The following SLC44A4 variants were observed in gnomAD, a reference collection of about 807,000 sequenced individuals.
The protein encoded by SLC44A4 is choline transporter-like protein 4.
SLC44A4 carries 74 observed loss-of-function variants against 97.0 expected under a neutral mutation model. The observed-to-expected ratio is 0.76, with a 90% confidence interval of 0.63 to 0.93. SLC44A4 has a LOEUF of 0.93. Ranked by LOEUF, SLC44A4 falls within the 40% of genes least tolerant of loss-of-function variation. The pLI, the probability that SLC44A4 is intolerant of heterozygous loss-of-function variation, is 0.00. For missense variants in SLC44A4, 799 were observed against 902.9 expected, an observed-to-expected ratio of 0.88 and a Z score of 1.48; for synonymous variants, 325 against 363.8, an observed-to-expected ratio of 0.89 and a Z score of 1.21.
chr6:31,867,570 A>C (rs1308696540), intron 13 of SLC44A4, among the ~76,000 whole-genome samples: 1 of 151,972 alleles, frequency 6.6e-6, no homozygotes, highest in African/African-American at 2.4e-5. Flanking sequence ...TCTCTTAAAA[A>C]AAAAAATTAG....
intron 13 of SLC44A4, 48 bp downstream of exon 13, chr6:31,869,107 C>G (rs1291202980): frequency 1.4e-6 from 2 of 1,478,854 alleles, no homozygotes; most frequent in African/African-American, 2.8e-5. Context: ...GCCCCTACAG[C>G]CCCTCACCCC....
Position 31,876,601 on chromosome 6 carries a change from T to A in SLC44A4, c.89+433A>T, listed in dbSNP as rs1763456932. Reference sequence around the variant, plus strand: ...CCATCTCAAAGAAATTAGCCTGGTGTGATGGTGCATGCCTGTAGTCCCAGC... The same window carrying A: ...CCATCTCAAAGAAATTAGCCTGGTGAGATGGTGCATGCCTGTAGTCCCAGC... On this transcript the variant is annotated intron_variant, in intron 2 of 20. Transcript: ENST00000229729. The surrounding 1 kb of genome is among the most constrained non-coding windows in gnomAD (Gnocchi z 4.8). Among the ~76,000 whole-genome samples, 1 of 152,148 alleles carries A rather than the reference T, an allele frequency of 6.6e-6. No individual in the cohort carries two copies. Among genetic ancestry groups the A allele is most frequent in the African/African-American group, 2.4e-5 (1 of 41,434 alleles).
In SLC44A4 at chr6:31,865,620, C is replaced by A. The variant is rs1252357062; in HGVS notation, c.1583-19G>T. 3 of 1,609,014 alleles carry A rather than the reference C, an allele frequency of 1.9e-6. No homozygotes were observed. In the South Asian group the frequency reaches 3.3e-5, roughly 18 times the overall value. ...TGCACTCCTGGGAGCGAGGAAGGCT[C>A]ATGTTTGGTCACTGCCCCTCCCTAA... On this transcript the variant is annotated intron_variant, in intron 15 of 20. Coordinates refer to ENST00000229729, the MANE Select transcript of SLC44A4 (RefSeq NM_025257.3). This position sits in a 1 kb window ranked among gnomAD's most constrained non-coding sequence, Gnocchi z 5.2.
chr6:31,872,815 T>C (rs1763244440), intron 7 of SLC44A4, among the ~76,000 whole-genome samples: 1 of 152,184 alleles, frequency 6.6e-6, no homozygotes, highest in Admixed American at 6.5e-5. Context: ...TTTGAAGTAT[T>C]CACTTGAGAT....
At position 31,865,243 on chromosome 6, in the gene SLC44A4, C is replaced by T; in HGVS notation, c.1760+72G>A. On this transcript the variant is annotated intron_variant, in intron 17 of 20. Transcript: ENST00000229729. The surrounding 1 kb of genome is among the most constrained non-coding windows in gnomAD (Gnocchi z 5.2). Reference sequence around the variant, plus strand: ...AAGTCTAGGGCCCGACTGAGCACAGCACACCCACGAAGCCAGCCTTGGGTG... The same window carrying T: ...AAGTCTAGGGCCCGACTGAGCACAGTACACCCACGAAGCCAGCCTTGGGTG... The T allele has an allele frequency of 1.3e-6, 2 of 1,580,388 alleles. No homozygotes were observed. Among genetic ancestry groups the T allele is most frequent in the South Asian group, 2.2e-5 (2 of 90,430 alleles).
At chr6:31,863,816 T>A in intron 20 of SLC44A4, 68 bp from the exon 21 acceptor site, 1 of 1,599,102 alleles carries the variant, frequency 6.3e-7, no homozygotes, top group Non-Finnish European at 8.5e-7. Flanking sequence ...GGAGGCAAGC[T>A]GCCTGCGGGA....
Position 31,867,741 on chromosome 6 carries a change from A to G in SLC44A4, c.1233+1414T>C, listed in dbSNP as rs181907237. ...TTTCATTAAAAAAGAAAAAAAAAAG[A>G]AAAAGAAAAAGAACCACATCATTTT... On this transcript the variant is annotated intron_variant, in intron 13 of 20. Transcript: ENST00000229729. 3.0e-3 allele frequency among the ~76,000 whole-genome samples: 461 copies of G among 151,994 alleles called. 2 individuals carry two copies. The highest frequency in any genetic ancestry group is 9.8e-3 in the African/African-American group (407 of 41,474).
intron 20 of SLC44A4, 50 bp from the exon 21 acceptor site, chr6:31,863,798 G>C (rs777501151): frequency 5.6e-6 from 9 of 1,608,180 alleles, no homozygotes; most frequent in African/African-American, 5.4e-5. Flanking sequence ...CCAGGAAATC[G>C]GGGACTGGGA....
chr6:31,869,595 G>T lies in SLC44A4; in HGVS notation c.1080C>A (p.Val360=). The change falls in exon 12 of 21, where the codon GTC becomes GTA. Residue 360 remains valine, a synonymous_variant. Coordinates refer to ENST00000229729, the MANE Select transcript of SLC44A4 (RefSeq NM_025257.3). ...TGCAGATGAGGAGGAGGACAAAGGT[G>T]ACCAGTGGGTAGAACATGGTAGACA... ...QMMSTMFYPL[V]TFVLLLICIA... 1 of 1,607,676 alleles carries T rather than the reference G, an allele frequency of 6.2e-7. No individual in the cohort carries two copies. Among genetic ancestry groups the T allele is most frequent in the South Asian group, 1.1e-5 (1 of 89,718 alleles).
intron 13 of SLC44A4, 145 bp downstream of exon 13, chr6:31,869,010 C>T (rs1763001459): frequency 1.6e-6 from 1 of 621,550 alleles, no homozygotes; most frequent in Non-Finnish European, 2.7e-6. Flanking sequence ...CTGGTTTCTT[C>T]TAGCTCTGCT....
At chr6:31,864,513 G>A in intron 20 of SLC44A4, 139 bp downstream of exon 20, 1 of 779,952 alleles carries the variant, frequency 1.3e-6, no homozygotes, top group Non-Finnish European at 2.1e-6. Context: ...GCCTCAGGAT[G>A]TCACAAGAAG....
chr6:31,865,892 C>T lies in SLC44A4; in HGVS notation c.1468G>A (p.Ala490Thr). Reference protein sequence around the residue: ...QDIPTFPLISAFIRTLRYHTG... With the variant: ...QDIPTFPLISTFIRTLRYHTG... ...CCTTACCGGAGTGTGCGGATGAAGG[C>T]AGAGATTAAGGGGAAGGTAGGGATG... Residue 490 changes from alanine to threonine, a missense_variant, in exon 14 of 21, where the codon GCC becomes ACC. Physicochemically the swap from Ala to Thr is moderately conservative, Grantham distance 58 (BLOSUM62 0). This residue lies in a region of SLC44A4 where 379 missense variants were observed against 438.3 expected (regional missense o/e 0.86). Coordinates refer to ENST00000229729, the MANE Select transcript of SLC44A4 (RefSeq NM_025257.3). The surrounding 1 kb of genome is among the most constrained non-coding windows in gnomAD (Gnocchi z 5.2). 6 of 1,614,096 alleles carry T rather than the reference C, an allele frequency of 3.7e-6. No homozygotes were observed. The highest frequency in any genetic ancestry group is 5.1e-6 in the Non-Finnish European group (6 of 1,180,028).
Position 31,874,210 on chromosome 6 carries a change from T to C in SLC44A4, c.529+250A>G, listed in dbSNP as rs147079373. 5.3e-4 allele frequency among the ~76,000 whole-genome samples: 81 copies of C among 152,308 alleles called. No homozygotes were observed. The East Asian group carries it at 0.015, about 29-fold the overall frequency. On this transcript the variant is annotated intron_variant, in intron 7 of 20. Transcript: ENST00000229729. The surrounding 1 kb of genome is among the most constrained non-coding windows in gnomAD (Gnocchi z 4.8). ...ACAACTCTAATCTCTTCACCTAGAATGTAGCTGAAGCAGGGAGCAGTTGTT... is the reference window on the plus strand; with the variant it reads ...ACAACTCTAATCTCTTCACCTAGAACGTAGCTGAAGCAGGGAGCAGTTGTT...
rs200934188 is a variant in SLC44A4, at chr6:31,878,894, C to T, written c.40+47G>A. On this transcript the variant is annotated intron_variant, in intron 1 of 20. Coordinates refer to ENST00000229729, the MANE Select transcript of SLC44A4 (RefSeq NM_025257.3). The surrounding 1 kb of genome is among the most constrained non-coding windows in gnomAD (Gnocchi z 4.0). Reference sequence around the variant, plus strand: ...CCCCAGACACCATTCCCAAAGTACCCGTCCTCCCCTCCCTCCACAGGGTCC... The same window carrying T: ...CCCCAGACACCATTCCCAAAGTACCTGTCCTCCCCTCCCTCCACAGGGTCC... The T allele has an allele frequency of 4.3e-4, 688 of 1,601,236 alleles. 2 individuals are homozygous for T. In the African/African-American group the frequency reaches 8.3e-3, roughly 19 times the overall value.
At chr6:31,864,534 T>G in intron 20 of SLC44A4, 118 bp downstream of exon 20, 3 of 934,740 alleles carry the variant, frequency 3.2e-6, no homozygotes, top group Admixed American at 2.1e-5. Context: ...CTCCCTCTGG[T>G]TCGTTTAGCT....
Position 31,864,822 on chromosome 6 carries a change from G to A in SLC44A4, c.1920C>T (p.Pro640=). Residue 640 remains proline (P), a synonymous_variant, in exon 19 of 21, where the codon CCC becomes CCT. Coordinates refer to ENST00000229729, the MANE Select transcript of SLC44A4 (RefSeq NM_025257.3). ...AGAGAGGGGAGTCACTCACCATGAT[G>A]GGCAGCCAGTAATAGTTGAGGTGGG... The part of the protein sequence containing the change: ...KSPHLNYYWL[P]IMTSILGAYV... The A allele has an allele frequency of 6.2e-7, 1 of 1,614,028 alleles. No homozygotes were observed. The highest frequency in any genetic ancestry group is 8.5e-7 in the Non-Finnish European group (1 of 1,179,964).
intron 19 of SLC44A4, 32 bp from the exon 20 acceptor site, chr6:31,864,768 T>A: frequency 6.2e-7 from 1 of 1,613,980 alleles, no homozygotes; most frequent in Non-Finnish European, 8.5e-7. Flanking sequence ...GGTTATTGGG[T>A]TCCTCTGGGG....
rs567820564 is a variant in SLC44A4, at chr6:31,877,346, A to C, written c.41-264T>G. Among the ~76,000 whole-genome samples, 1 of 152,096 alleles carries C rather than the reference A, an allele frequency of 6.6e-6. No individual in the cohort carries two copies. The highest frequency in any genetic ancestry group is 1.9e-4 in the East Asian group (1 of 5,166). ...CTTTATAGTTTCCGGCTCACATCTC[A>C]AGGCAGTCAGTCTGGGAAATGGCCT... On this transcript the variant is annotated intron_variant, in intron 1 of 20. Coordinates refer to ENST00000229729, the MANE Select transcript of SLC44A4 (RefSeq NM_025257.3). The surrounding 1 kb of genome is among the most constrained non-coding windows in gnomAD (Gnocchi z 6.5).
rs494620 is a variant in SLC44A4 at position 31,870,936 on chromosome 6, G to A, written c.813C>T (p.Tyr271=). 659,622 of 1,612,452 alleles carry A rather than the reference G, an allele frequency of 0.41. 138,800 individuals carry two copies. The highest frequency in any genetic ancestry group is 0.56 in the Middle Eastern group (3,370 of 6,060). ...LILGVLGVLA[Y]GIYYCWEEYR... is the part of the protein sequence containing the mutation. ...ACTCCTCCCAGCAGTAGTAGATGCC[G>A]TATGCCAGCACGCCCAGCACTCCCA... is the stretch of plus-strand genomic sequence containing the variant. The change falls in exon 10 of 21, where the codon TAC becomes TAT. Residue 271 remains tyrosine (Y), a synonymous_variant. Transcript: ENST00000229729.
Sources: gnomAD v4.1 joint callset for allele counts (sites outside exome capture counted in the v4.1 genomes callset) on GRCh38, gnomAD v4.1.1 for gene constraint, gnomAD v4.1.1 regional missense constraint, Gnocchi (gnomAD v3.1) non-coding constraint, MANE v1.5 for transcripts, NCBI Gene and HGNC (gene_info 2026-07-23, HGNC 2026-07-21) for gene names.